Variants in PSMC1 observed in about 807,000 individuals in gnomAD.
PSMC1 encodes proteasome 26S subunit, ATPase 1, also known as 26S proteasome regulatory subunit 4.
Under a neutral mutation model 49.8 loss-of-function variants are expected in PSMC1, and 5 were observed. That is an observed-to-expected ratio of 0.10 (90% CI 0.05 to 0.21). PSMC1 has a LOEUF of 0.21. PSMC1 is among the 10% of genes least tolerant of loss of function. The pLI, the probability that PSMC1 is intolerant of heterozygous loss-of-function variation, is 1.00. For synonymous variants in PSMC1, 155 were observed against 192.1 expected, an observed-to-expected ratio of 0.81 and a Z score of 1.60; for missense variants, 181 against 535.7, an observed-to-expected ratio of 0.34 and a Z score of 6.54.
intron 3 of PSMC1, among the ~76,000 whole-genome samples, chr14:90,261,926 G>A (rs36102793): frequency 0.55 from 83,130 of 151,116 alleles, 23,567 homozygotes; most frequent in Middle Eastern, 0.72. Context: ...TAGGCTGGAT[G>A]AAGAAAATGT....
At chr14:90,262,884 A>C (rs1426716792) in intron 3 of PSMC1, among the ~76,000 whole-genome samples, 1 of 152,216 alleles carries the variant, frequency 6.6e-6, no homozygotes, top group Non-Finnish European at 1.5e-5. Flanking sequence ...ATATGTGATA[A>C]GCAGGGTTAA....
chr14:90,271,253 T>C (rs1354348950), intron 10 of PSMC1: 3 of 152,222 alleles, frequency 2.0e-5, no homozygotes, highest in African/African-American at 7.2e-5. Flanking sequence ...TGTGCCAGGA[T>C]TGTGTTTTTT....
intron 7 of PSMC1, chr14:90,267,394 A>T (rs1891546329): frequency 1.3e-5 from 2 of 152,188 alleles, no homozygotes; most frequent in African/African-American, 4.8e-5. Flanking sequence ...ACCTCAGGTG[A>T]TCCTCCTGCC....
chr14:90,263,273 A>G (rs1183104254), intron 3 of PSMC1, 45 bp from the exon 4 acceptor site: 9 of 1,547,122 alleles, frequency 5.8e-6, no homozygotes, highest in Non-Finnish European at 7.8e-6. Context: ...CTTACTTGCA[A>G]ACTTCAGGGT....
intron 10 of PSMC1, chr14:90,271,388 T>G (rs1403324464): frequency 1.3e-5 from 2 of 152,224 alleles, no homozygotes; most frequent in African/African-American, 4.8e-5. Flanking sequence ...CTTTCCTTTC[T>G]AAACAGATCA....
Position 90,272,595 on chromosome 14 carries a change from C to T in PSMC1, c.*188C>T. 1 of 517,796 alleles carries T rather than the reference C, an allele frequency of 1.9e-6. No homozygotes were observed. The highest frequency in any genetic ancestry group is 4.0e-5 in the Admixed American group (1 of 25,034). The allele number at this position is 517,796 out of a possible 1,614,324, so 32.1% of individuals were successfully genotyped here. On this transcript the variant is annotated 3_prime_UTR_variant, in exon 11 of 11. Transcript: ENST00000261303. The surrounding 1 kb of genome is among the most constrained non-coding windows in gnomAD (Gnocchi z 4.5). Reference sequence around the variant, plus strand: ...CTGTTGGTCACTGTGCAGCAGTCTGCTTCCCAATAAAGCGTGCTCTTTCAC... The same window carrying T: ...CTGTTGGTCACTGTGCAGCAGTCTGTTTCCCAATAAAGCGTGCTCTTTCAC...
chr14:90,273,213 T>G lies in PSMC1; in HGVS notation c.*806T>G, dbSNP rs1158629817. ...TAGGGCCCACACTGAATGAGGAGTG[T>G]GTATTAGTTTTCTGTTAATACTATA... is the stretch of plus-strand genomic sequence containing the variant. On this transcript the variant is annotated 3_prime_UTR_variant, in exon 11 of 11. Transcript: ENST00000261303. 1 of 150,800 alleles carries G rather than the reference T, an allele frequency of 6.6e-6. No individual in the cohort carries two copies. Among genetic ancestry groups the G allele is most frequent in the Non-Finnish European group, 1.5e-5 (1 of 67,296 alleles). 9.3% of individuals were successfully genotyped at this position (150,800 alleles called of 1,614,324 possible).
intron 9 of PSMC1, 149 bp downstream of exon 9, chr14:90,269,697 G>C: frequency 1.3e-6 from 1 of 799,782 alleles, no homozygotes; most frequent in Non-Finnish European, 1.9e-6. Flanking sequence ...GTCCTCTTGA[G>C]ATGAGGGTTA....
chr14:90,260,991 G>A (rs1891387203), intron 3 of PSMC1, among the ~76,000 whole-genome samples: 1 of 152,222 alleles, frequency 6.6e-6, no homozygotes, highest in Admixed American at 6.5e-5. Flanking sequence ...AAATGCCACT[G>A]TATTGAAATT....
At chr14:90,263,640 C>G in intron 4 of PSMC1, 22 bp from the exon 5 acceptor site, 1 of 1,610,144 alleles carries the variant, frequency 6.2e-7, no homozygotes. Context: ...CTGCTTTTTT[C>G]CCTTGGCATT....
chr14:90,268,586 G>C (rs1891578910), intron 8 of PSMC1, 173 bp downstream of exon 8: 2 of 634,510 alleles, frequency 3.2e-6, no homozygotes, highest in Admixed American at 6.0e-5. Flanking sequence ...CAACTGCCCA[G>C]TAACTGTGAA....
chr14:90,263,501 A>C, intron 4 of PSMC1, 59 bp downstream of exon 4: 1 of 1,503,446 alleles, frequency 6.7e-7, no homozygotes, highest in Non-Finnish European at 9.0e-7. Context: ...TAAAATTGTC[A>C]ACAAATAAAT....
chr14:90,269,735 C>T, intron 9 of PSMC1, 187 bp downstream of exon 9: 1 of 530,350 alleles, frequency 1.9e-6, no homozygotes, highest in South Asian at 3.9e-5. Context: ...GTCTGTGCAC[C>T]TTGGCCCTTT....
intron 1 of PSMC1, 97 bp from the exon 2 acceptor site, chr14:90,259,063 C>A: frequency 2.7e-6 from 3 of 1,103,808 alleles, no homozygotes; most frequent in Non-Finnish European, 3.8e-6. Flanking sequence ...AAATGTTACT[C>A]ACAGGACATG....
chr14:90,259,101 T>TA, intron 1 of PSMC1, 59 bp from the exon 2 acceptor site: 3 of 1,544,684 alleles, frequency 1.9e-6, no homozygotes, highest in Non-Finnish European at 2.7e-6. Flanking sequence ...AGTATAAAGT[T>TA]ATTCTTTTGA....
chr14:90,271,476 TTAAATATATTGGAATAAATGC>T (rs1456130144), intron 10 of PSMC1: 1 of 152,192 alleles, frequency 6.6e-6, no homozygotes. Context: ...TACTGAGAAA[TTAAATATATTGGAATAAATGC>T]TATACTCTGT....
At chr14:90,269,999 C>A in intron 9 of PSMC1, 199 bp from the exon 10 acceptor site, 1 of 576,086 alleles carries the variant, frequency 1.7e-6, no homozygotes, top group Non-Finnish European at 2.9e-6. Flanking sequence ...GAGAGAGTTT[C>A]TTTTAAATGA....
intron 2 of PSMC1, among the ~76,000 whole-genome samples, chr14:90,259,805 A>G (rs2063522690): frequency 6.6e-6 from 1 of 151,930 alleles, no homozygotes; most frequent in Admixed American, 6.6e-5. Context: ...TATTTTTAGT[A>G]GAGATGGAGT....
chr14:90,264,564 C>T (rs1891467236), intron 6 of PSMC1, among the ~76,000 whole-genome samples: 1 of 152,128 alleles, frequency 6.6e-6, no homozygotes, highest in Non-Finnish European at 1.5e-5. Context: ...CTTCAGCAGC[C>T]CTGGGGGCTG....
Sources: gnomAD v4.1 joint callset for allele counts (sites outside exome capture counted in the v4.1 genomes callset) on GRCh38, gnomAD v4.1.1 for gene constraint, Gnocchi (gnomAD v3.1) non-coding constraint, MANE v1.5 for transcripts, NCBI Gene and HGNC (gene_info 2026-07-23, HGNC 2026-07-21) for gene names.